The following CDK14 variants were observed in gnomAD, a reference collection of about 807,000 sequenced individuals.
CDK14 encodes cyclin-dependent kinase 14.
In CDK14, 34 loss-of-function variants were observed where a neutral mutation model predicts 60.7. That is an observed-to-expected ratio of 0.56 (90% CI 0.43 to 0.75). The LOEUF (loss-of-function observed/expected upper bound fraction) is 0.75. CDK14 is among the 30% of genes least tolerant of loss of function. The probability of loss-of-function intolerance (pLI) is 0.00; values close to 1 mark genes in which losing one functional copy is unlikely to be tolerated. For missense variants in CDK14, 482 were observed against 564.1 expected (o/e 0.85, Z 1.47); for synonymous variants, 197 against 203.7 (o/e 0.97, Z 0.28).
At chr7:90,937,679 C>T (rs11971034) in intron 8 of CDK14, among the ~76,000 whole-genome samples, 2 of 151,938 alleles carry the variant, frequency 1.3e-5, no homozygotes, top group Non-Finnish European at 2.9e-5. Context: ...CATGAAGTCT[C>T]TGTTGCAACT....
At chr7:91,164,954 A>G (rs1801301255) in intron 14 of CDK14, among the ~76,000 whole-genome samples, 1 of 152,242 alleles carries the variant, frequency 6.6e-6, no homozygotes, top group African/African-American at 2.4e-5. Context: ...AACTTGCCAC[A>G]GATACACATA....
At chr7:90,818,866 CTA>C (rs369667917) in intron 5 of CDK14, among the ~76,000 whole-genome samples, 1,595 of 132,698 alleles carry the variant, frequency 0.012, 26 homozygotes, top group African/African-American at 0.044. Context: ...TTCTCTCTCT[CTA>C]TGTGTGTGTG....
At chr7:91,018,528 C>T (rs1796358000) in intron 10 of CDK14, among the ~76,000 whole-genome samples, 1 of 152,184 alleles carries the variant, frequency 6.6e-6, no homozygotes, top group South Asian at 2.1e-4. Flanking sequence ...TCCTCAACTC[C>T]TTACAAGGGC....
chr7:90,776,242 A>G (rs1457541566), intron 4 of CDK14, among the ~76,000 whole-genome samples: 1 of 151,862 alleles, frequency 6.6e-6, no homozygotes, highest in Admixed American at 6.6e-5. Context: ...TCCTTCTTTC[A>G]TCATTCATTT....
rs114627136 is a variant in CDK14 at position 91,165,680 on chromosome 7, C to T, written c.*29-41485C>T. Among the ~76,000 whole-genome samples, 463 of 152,220 alleles carry T rather than the reference C, an allele frequency of 3.0e-3. 2 individuals carry two copies. The highest frequency in any genetic ancestry group is 0.011 in the African/African-American group (446 of 41,530). ...ACGTTTACTCATCAACAGGGCTTGGCTCAAATAGTTCTGAAAGTAATCCAT... is the reference window on the plus strand; with the variant it reads ...ACGTTTACTCATCAACAGGGCTTGGTTCAAATAGTTCTGAAAGTAATCCAT... On this transcript the variant is annotated intron_variant, in intron 14 of 14. Coordinates refer to ENST00000380050, the MANE Select transcript of CDK14 (RefSeq NM_001287135.2).
chr7:91,038,486 A>G (rs1456141915), intron 10 of CDK14, among the ~76,000 whole-genome samples: 1 of 152,246 alleles, frequency 6.6e-6, no homozygotes, highest in Non-Finnish European at 1.5e-5. Context: ...GACAATTTTT[A>G]CTAAGAAGCC....
At chr7:90,651,770 G>A (rs1002088) in intron 2 of CDK14, among the ~76,000 whole-genome samples, 46,331 of 151,242 alleles carry the variant, frequency 0.31, 7,970 homozygotes, top group East Asian at 0.67. Context: ...TTTAATGCTC[G>A]TAGCCATTGA....
chr7:91,125,977 A>T (rs1584097593), intron 14 of CDK14, among the ~76,000 whole-genome samples: 4 of 152,304 alleles, frequency 2.6e-5, no homozygotes, highest in Admixed American at 2.6e-4. Context: ...AAGATGTGTG[A>T]TTATAATGTG....
At chr7:90,647,414 G>C (rs776776088) in intron 2 of CDK14, among the ~76,000 whole-genome samples, 3 of 151,948 alleles carry the variant, frequency 2.0e-5, no homozygotes, top group Non-Finnish European at 4.4e-5. Context: ...GTCTATAAGT[G>C]AATCTTATTT....
intron 5 of CDK14, among the ~76,000 whole-genome samples, chr7:90,841,862 G>T (rs576395106): frequency 2.6e-5 from 4 of 152,032 alleles, no homozygotes; most frequent in Admixed American, 1.3e-4. Flanking sequence ...TAGGTGTTTC[G>T]CATGTCCTCA....
At chr7:90,752,277 C>T (rs987123638) in intron 4 of CDK14, among the ~76,000 whole-genome samples, 2 of 131,080 alleles carry the variant, frequency 1.5e-5, no homozygotes, top group Non-Finnish European at 3.4e-5. Context: ...TAAAGCAAGT[C>T]TCAGTAAATT....
Position 91,127,241 on chromosome 7 carries a change from A to G in CDK14, c.*28+9033A>G, listed in dbSNP as rs546786585. Among the ~76,000 whole-genome samples, 12 of 152,294 alleles carry G rather than the reference A, an allele frequency of 7.9e-5. No homozygotes were observed. The South Asian group carries it at 1.0e-3, about 13-fold the overall frequency. On this transcript the variant is annotated intron_variant, in intron 14 of 14. Coordinates refer to ENST00000380050, the MANE Select transcript of CDK14 (RefSeq NM_001287135.2). ...TGGACTATGAATGAAGCGACTTAGC[A>G]TAATCTCCAGGTTGAGCTTTGGATT...
At chr7:90,793,951 T>TA (rs1414027290) in intron 5 of CDK14, among the ~76,000 whole-genome samples, 2 of 152,120 alleles carry the variant, frequency 1.3e-5, no homozygotes, top group East Asian at 3.8e-4. Flanking sequence ...CAATTGTCTA[T>TA]CGGGGGAAAC....
chr7:90,868,302 T>C (rs532726126), intron 6 of CDK14, among the ~76,000 whole-genome samples: 50 of 149,334 alleles, frequency 3.3e-4, no homozygotes, highest in Admixed American at 1.3e-3. Context: ...TATATATATA[T>C]ACACACACAC....
intron 2 of CDK14, among the ~76,000 whole-genome samples, chr7:90,667,236 A>G (rs2116520266): frequency 6.6e-6 from 1 of 152,320 alleles, no homozygotes; most frequent in African/African-American, 2.4e-5. Flanking sequence ...TGCACCTACC[A>G]AATTATAGCA....
intron 4 of CDK14, among the ~76,000 whole-genome samples, chr7:90,773,696 T>C (rs180801667): frequency 3.3e-4 from 50 of 152,240 alleles, no homozygotes; most frequent in African/African-American, 9.1e-4. Flanking sequence ...AAGACTGTTA[T>C]CTTGATTTTA....
chr7:91,056,922 C>T lies in CDK14; in HGVS notation c.1105+10962C>T, dbSNP rs2116085432. 2.0e-5 allele frequency among the ~76,000 whole-genome samples: 3 copies of T among 151,984 alleles called. 1 individual carries two copies. The highest frequency in any genetic ancestry group is 6.8e-3 in the Middle Eastern group (2 of 294). Reference sequence around the variant, plus strand: ...GATTTATAGTCCTTTGGGTATATACCCAGTAATGGGATGGCTGGGTCAAAT... The same window carrying T: ...GATTTATAGTCCTTTGGGTATATACTCAGTAATGGGATGGCTGGGTCAAAT... On this transcript the variant is annotated intron_variant, in intron 11 of 14. Coordinates refer to ENST00000380050, the MANE Select transcript of CDK14 (RefSeq NM_001287135.2).
intron 1 of CDK14, among the ~76,000 whole-genome samples, chr7:90,599,059 T>C (rs1053696395): frequency 2.6e-5 from 4 of 152,170 alleles, no homozygotes; most frequent in Admixed American, 2.6e-4. Context: ...TACTGTGGGA[T>C]TATATAGTGC....
chr7:91,121,376 G>C (rs1033089602), intron 14 of CDK14, among the ~76,000 whole-genome samples: 1 of 152,144 alleles, frequency 6.6e-6, no homozygotes, highest in Non-Finnish European at 1.5e-5. Context: ...ATCTCTCTTT[G>C]GGGAGTTACA....
Sources: allele counts gnomAD v4.1 joint callset (sites outside exome capture counted in the v4.1 genomes callset), GRCh38; gene constraint gnomAD v4.1.1; transcripts MANE v1.5; gene names NCBI Gene and HGNC (gene_info 2026-07-23, HGNC 2026-07-21).